Variants in CNGA1 observed in about 807,000 individuals in gnomAD.
The protein encoded by CNGA1 is cyclic nucleotide-gated channel alpha-1.
Under a neutral mutation model 69.7 loss-of-function variants are expected in CNGA1, and 53 were observed. That is an observed-to-expected ratio of 0.76 (90% CI 0.61 to 0.96). The LOEUF is 0.96. Among genes scored for constraint, CNGA1 ranks in the 40% least tolerant of loss-of-function variants. CNGA1 has a pLI of 0.00. For synonymous variants in CNGA1, 249 were observed against 283.5 expected, an observed-to-expected ratio of 0.88 and a Z score of 1.22; for missense variants, 739 against 811.2, an observed-to-expected ratio of 0.91 and a Z score of 1.08.
At chr4:48,011,182 C>T (rs1156380855) in intron 1 of CNGA1, among the ~76,000 whole-genome samples, 5 of 152,116 alleles carry the variant, frequency 3.3e-5, no homozygotes, top group East Asian at 1.9e-4. Flanking sequence ...AAGGTGGAAG[C>T]GGTCACTTTC....
At chr4:48,008,191 T>A (rs1027797825) in intron 2 of CNGA1, among the ~76,000 whole-genome samples, 20 of 152,278 alleles carry the variant, frequency 1.3e-4, no homozygotes, top group Middle Eastern at 3.4e-3. Context: ...GGGTTTTTTT[T>A]AAATAAATTC....
intron 3 of CNGA1, among the ~76,000 whole-genome samples, chr4:47,962,647 T>A (rs1328287265): frequency 6.6e-6 from 1 of 152,154 alleles, no homozygotes; most frequent in Admixed American, 6.5e-5. Flanking sequence ...ATATACTCAA[T>A]ATAGTAGTTA....
chr4:47,962,275 C>T (rs890238414), intron 3 of CNGA1, among the ~76,000 whole-genome samples: 3 of 149,904 alleles, frequency 2.0e-5, no homozygotes, highest in Admixed American at 6.7e-5. Context: ...ACCAGGGAGT[C>T]GGAGGTTGCA....
At chr4:47,987,167 G>T (rs1038414165) in intron 2 of CNGA1, among the ~76,000 whole-genome samples, 4 of 152,094 alleles carry the variant, frequency 2.6e-5, no homozygotes, top group African/African-American at 9.7e-5. Context: ...TCCCTGTCTT[G>T]CTTTGTCAGC....
At position 47,936,300 on chromosome 4, in the gene CNGA1, A is replaced by G. The variant is rs950633384; in HGVS notation, c.*121T>C. 9.3e-7 allele frequency: 1 copy of G among 1,075,472 alleles called. No individual in the cohort carries two copies. Among genetic ancestry groups the G allele is most frequent in the South Asian group, 1.3e-5 (1 of 75,776 alleles). 66.6% of individuals were successfully genotyped at this position (1,075,472 alleles called of 1,614,324 possible). A position where few individuals can be genotyped will look rare whatever the true frequency, so the allele number is the denominator to read the frequency against. ...GGCCTTGTACCTTGCACCAAAGCAC[A>G]TTTTCCTCATGGAAAAATTTCCCAA... On this transcript the variant is annotated 3_prime_UTR_variant, in exon 11 of 11. Transcript: ENST00000514170.
At position 47,952,576 on chromosome 4, in the gene CNGA1, G is replaced by T; in HGVS notation, c.107+7C>A. 6.2e-7 allele frequency: 1 copy of T among 1,611,972 alleles called. No homozygotes were observed. The highest frequency in any genetic ancestry group is 8.5e-7 in the Non-Finnish European group (1 of 1,178,746). On this transcript the variant is annotated splice_region_variant and intron_variant, in intron 4 of 10. Transcript: ENST00000514170. ...ATAAAAATGCATGGGAAAATGTTTG[G>T]ATTTACCTGCATGCTCCATTTTCCA...
At chr4:47,963,631 T>C (rs1740576644) in intron 3 of CNGA1, among the ~76,000 whole-genome samples, 1 of 152,186 alleles carries the variant, frequency 6.6e-6, no homozygotes, top group African/African-American at 2.4e-5. Flanking sequence ...TAAATGACAA[T>C]TTATTCTATC....
chr4:48,010,668 C>T (rs1242065611), intron 2 of CNGA1, 126 bp downstream of exon 2: 1 of 153,592 alleles, frequency 6.5e-6, no homozygotes, highest in East Asian at 1.9e-4. Context: ...CCGTAGAACC[C>T]AGTGACTAGT....
intron 6 of CNGA1, among the ~76,000 whole-genome samples, chr4:47,948,101 C>A (rs1033581040): frequency 2.0e-5 from 3 of 151,992 alleles, no homozygotes; most frequent in South Asian, 2.1e-4. Flanking sequence ...TTGACCAGTG[C>A]CATTATTTAG....
intron 2 of CNGA1, among the ~76,000 whole-genome samples, chr4:47,994,717 T>C (rs1481863913): frequency 1.3e-5 from 2 of 152,170 alleles, no homozygotes; most frequent in African/African-American, 4.8e-5. Flanking sequence ...TTGTACTACT[T>C]GTTGCCCATA....
intron 3 of CNGA1, among the ~76,000 whole-genome samples, chr4:47,972,637 T>C (rs1308439290): frequency 6.6e-6 from 1 of 152,244 alleles, no homozygotes; most frequent in Non-Finnish European, 1.5e-5. Flanking sequence ...TCTCATGTGT[T>C]TATTAATCAT....
rs572289157 is a variant in CNGA1, at chr4:47,949,543, C to G, written c.287+290G>C. On this transcript the variant is annotated intron_variant, in intron 6 of 10. Transcript: ENST00000514170. ...GAAATTCACCTAAGACACATTGGCT[C>G]AAACTGGAAAGGAGTAATATTTCCT... 2.6e-5 allele frequency among the ~76,000 whole-genome samples: 4 copies of G among 152,292 alleles called. No individual in the cohort carries two copies. The East Asian group carries it at 7.7e-4, about 29-fold the overall frequency.
At chr4:47,978,890 T>A (rs1014957941) in intron 3 of CNGA1, among the ~76,000 whole-genome samples, 4 of 152,220 alleles carry the variant, frequency 2.6e-5, no homozygotes, top group African/African-American at 4.8e-5. Flanking sequence ...ATCAATTACC[T>A]TTTTATCAAC....
Position 47,961,235 on chromosome 4 carries a change from G to A in CNGA1, c.-14-8532C>T, listed in dbSNP as rs531483413. Among the ~76,000 whole-genome samples the A allele has an allele frequency of 9.1e-4, 139 of 152,302 alleles. 2 individuals are homozygous for A. In the South Asian group the frequency reaches 0.022, roughly 24 times the overall value. On this transcript the variant is annotated intron_variant, in intron 3 of 10. Coordinates refer to ENST00000514170, the MANE Select transcript of CNGA1 (RefSeq NM_001379270.1). ...ATTGAGTTATCTCCTCCTTGAAGCT[G>A]TCTTCAGCATTCAAGGTGAAACATT... is the stretch of plus-strand genomic sequence containing the variant.
chr4:47,936,831 T>C lies in CNGA1; in HGVS notation c.1651A>G (p.Ser551Gly), dbSNP rs776837749. The change falls in exon 11 of 11, where the codon AGC becomes GGC. Residue 551 changes from serine to glycine, a missense_variant. Coordinates refer to ENST00000514170, the MANE Select transcript of CNGA1 (RefSeq NM_001379270.1). ...GEISILNIKG[S>G]KAGNRRTANI... ...GCCGTTCTTCGATTGCCAGCTTTGCTCCCTTTAATGTTAAGAATGCTGATC... is the reference window on the plus strand; with the variant it reads ...GCCGTTCTTCGATTGCCAGCTTTGCCCCCTTTAATGTTAAGAATGCTGATC... 6.2e-7 allele frequency: 1 copy of C among 1,614,112 alleles called. No individual in the cohort carries two copies. Among genetic ancestry groups the C allele is most frequent in the Non-Finnish European group, 8.5e-7 (1 of 1,180,028 alleles).
At chr4:47,985,769 A>G (rs977285985) in intron 2 of CNGA1, among the ~76,000 whole-genome samples, 1 of 149,946 alleles carries the variant, frequency 6.7e-6, no homozygotes, top group African/African-American at 2.5e-5. Context: ...CACCCCCCCA[A>G]AAAAAACCAT....
chr4:48,009,948 C>T (rs548601962), intron 2 of CNGA1, among the ~76,000 whole-genome samples: 2 of 152,170 alleles, frequency 1.3e-5, no homozygotes, highest in South Asian at 4.2e-4. Context: ...GTACTCAACA[C>T]ACAAATACAT....
chr4:47,995,722 T>A (rs192492429), intron 2 of CNGA1, among the ~76,000 whole-genome samples: 1 of 152,202 alleles, frequency 6.6e-6, no homozygotes, highest in Admixed American at 6.5e-5. Context: ...AAGAACATTG[T>A]TTTTTTATAT....
chr4:47,976,949 A>G (rs1741448828), intron 3 of CNGA1, among the ~76,000 whole-genome samples: 1 of 152,258 alleles, frequency 6.6e-6, no homozygotes, highest in South Asian at 2.1e-4. Context: ...TGGGAGAATC[A>G]CAGAGCTTCC....
Sources: allele counts gnomAD v4.1 joint callset (sites outside exome capture counted in the v4.1 genomes callset), GRCh38; gene constraint gnomAD v4.1.1; transcripts MANE v1.5; gene names NCBI Gene and HGNC (gene_info 2026-07-23, HGNC 2026-07-21).